The following ADSS1 variants were observed in gnomAD, a reference collection of about 807,000 sequenced individuals.
ADSS1 encodes the protein adenylosuccinate synthetase isozyme 1.
Under a neutral mutation model 59.1 loss-of-function variants are expected in ADSS1, and 57 were observed. That is an observed-to-expected ratio of 0.97 (90% CI 0.78 to 1.20). The LOEUF (loss-of-function observed/expected upper bound fraction) is 1.20, where lower values mean the gene tolerates loss of function less well. Ranked by LOEUF, ADSS1 falls within the 50% of genes most tolerant of loss-of-function variation. ADSS1 has a pLI of 0.00. For synonymous variants in ADSS1, 247 were observed against 249.4 expected (o/e 0.99, Z 0.09); for missense variants, 603 against 610.3 (o/e 0.99, Z 0.13).
intron 1 of ADSS1, chr14:104,729,808 C>T (rs959789165): frequency 4.4e-5 from 17 of 384,774 alleles, no homozygotes; most frequent in Non-Finnish European, 1.7e-5. Context: ...AGGAGCGTGG[C>T]GTCGGCGTCG....
intron 10 of ADSS1, among the ~76,000 whole-genome samples, chr14:104,744,192 G>T (rs750577005): frequency 6.6e-6 from 1 of 152,112 alleles, no homozygotes; most frequent in African/African-American, 2.4e-5. Flanking sequence ...GAAAGTGCAC[G>T]TGTGGGGACG....
Position 104,739,621 on chromosome 14 carries a change from G to T in ADSS1, c.410-129G>T, listed in dbSNP as rs757805981. 1.5e-5 allele frequency: 17 copies of T among 1,099,350 alleles called. No homozygotes were observed. In the Middle Eastern group the frequency reaches 1.5e-3, roughly 100 times the overall value. 68.1% of individuals were successfully genotyped at this position (1,099,350 alleles called of 1,614,324 possible). A position where few individuals can be genotyped will look rare whatever the true frequency, so the allele number is the denominator to read the frequency against. On this transcript the variant is annotated intron_variant, in intron 4 of 12. Coordinates refer to ENST00000330877, the MANE Select transcript of ADSS1 (RefSeq NM_152328.5). ...GACACTCATGGTCACACCCCAGTTT[G>T]TCCTCTTTGAAATCTCAACCACCCC...
Position 104,735,002 on chromosome 14 carries a change from G to A in ADSS1, c.193-18G>A. 1 of 1,610,132 alleles carries A rather than the reference G, an allele frequency of 6.2e-7. No homozygotes were observed. The highest frequency in any genetic ancestry group is 8.5e-7 in the Non-Finnish European group (1 of 1,177,030). On this transcript the variant is annotated intron_variant, in intron 1 of 12. Coordinates refer to ENST00000330877, the MANE Select transcript of ADSS1 (RefSeq NM_152328.5). Reference sequence around the variant, plus strand: ...TCAGTACCCAAGTGCCTTCAGCTCAGCCGGGTTTCTGTTCCAGGGGGGCAA... The same window carrying A: ...TCAGTACCCAAGTGCCTTCAGCTCAACCGGGTTTCTGTTCCAGGGGGGCAA...
At chr14:104,728,601 A>G (rs1221181948) in intron 1 of ADSS1, among the ~76,000 whole-genome samples, 2 of 152,184 alleles carry the variant, frequency 1.3e-5, no homozygotes, top group Non-Finnish European at 2.9e-5. Flanking sequence ...GTGTGTGCAC[A>G]CTGGGCGCCA....
chr14:104,725,594 C>G (rs527616784), intron 1 of ADSS1, among the ~76,000 whole-genome samples: 13 of 152,272 alleles, frequency 8.5e-5, no homozygotes, highest in East Asian at 1.9e-4. Flanking sequence ...GGACCTCCCC[C>G]CTTGCTCTCC....
chr14:104,739,447 T>C, intron 4 of ADSS1, 69 bp downstream of exon 4: 2 of 1,519,054 alleles, frequency 1.3e-6, no homozygotes, highest in Non-Finnish European at 8.9e-7. Context: ...GCCCTGCTCC[T>C]ACATGGCCAC....
Position 104,744,773 on chromosome 14 carries a change from C to T in ADSS1, c.1074-39C>T, listed in dbSNP as rs368546964. On this transcript the variant is annotated intron_variant, in intron 10 of 12. Coordinates refer to ENST00000330877, the MANE Select transcript of ADSS1 (RefSeq NM_152328.5). ...GCGGAAGAAACCCCAGCACTGCTGA[C>T]CACTTCTTGGGTTTGCCCGGCCCCT... is the stretch of plus-strand genomic sequence containing the variant. 5.0e-6 allele frequency: 8 copies of T among 1,598,546 alleles called. No homozygotes were observed. The African/African-American group carries it at 5.4e-5, about 11-fold the overall frequency.
chr14:104,729,896 G>A (rs868620021), intron 1 of ADSS1: 1 of 1,520,706 alleles, frequency 6.6e-7, no homozygotes, highest in Non-Finnish European at 8.9e-7. Context: ...CGTCGGCATG[G>A]TGGGGAGGAG....
At chr14:104,725,650 A>G (rs2140738446) in intron 1 of ADSS1, among the ~76,000 whole-genome samples, 1 of 152,282 alleles carries the variant, frequency 6.6e-6, no homozygotes, top group Non-Finnish European at 1.5e-5. Context: ...GAGATCCCCC[A>G]GGTCCTAGAG....
intron 10 of ADSS1, 25 bp from the exon 11 acceptor site, chr14:104,744,787 T>A: frequency 6.2e-7 from 1 of 1,612,568 alleles, no homozygotes; most frequent in African/African-American, 1.3e-5. Flanking sequence ...TTCTTGGGTT[T>A]GCCCGGCCCC....
chr14:104,741,925 A>G lies in ADSS1; in HGVS notation c.871A>G (p.Ile291Val), dbSNP rs758630677. 1 of 1,613,478 alleles carries G rather than the reference A, an allele frequency of 6.2e-7. No homozygotes were observed. Among genetic ancestry groups the G allele is most frequent in the African/African-American group, 1.3e-5 (1 of 75,044 alleles). The part of the protein sequence containing the change: ...CTGLGIPPQN[I>V]GDVYGVVKAY... ...GGGCCTGGGCATCCCCCCGCAGAAC[A>G]TAGGTGACGTGTATGGCGTGGTGAA... The change falls in exon 9 of 13, where the codon ATA (isoleucine) becomes GTA (valine). Residue 291 changes from isoleucine (I) to valine (V), a missense_variant. Coordinates refer to ENST00000330877, the MANE Select transcript of ADSS1 (RefSeq NM_152328.5).
chr14:104,740,485 C>A lies in ADSS1; in HGVS notation c.477-116C>A. On this transcript the variant is annotated intron_variant, in intron 5 of 12. Transcript: ENST00000330877. The surrounding 1 kb of genome is among the most constrained non-coding windows in gnomAD (Gnocchi z 4.8). ...CACACACTCACAGCTCAGCCAGACA[C>A]AGGCAGCAATGGTGGGCACTGGAGT... The A allele has an allele frequency of 1.2e-6, 1 of 863,870 alleles. No individual in the cohort carries two copies. Among genetic ancestry groups the A allele is most frequent in the Non-Finnish European group, 1.9e-6 (1 of 538,232 alleles). The allele number at this position is 863,870 out of a possible 1,614,324, so 53.5% of individuals were successfully genotyped here.
rs1211339845 is a variant in ADSS1, at chr14:104,730,223, G to T, written c.193-4797G>T. 6.7e-6 allele frequency: 10 copies of T among 1,492,766 alleles called. No individual in the cohort carries two copies. Among genetic ancestry groups the T allele is most frequent in the Non-Finnish European group, 9.0e-6 (10 of 1,111,890 alleles). 92.5% of individuals were successfully genotyped at this position (1,492,766 alleles called of 1,614,324 possible). ...ACCTGGAGGGGAGCGGGTGGGTGCG[G>T]TGGCGTACATCTGTAACTCCAGCAC... is the stretch of plus-strand genomic sequence containing the variant. On this transcript the variant is annotated intron_variant, in intron 1 of 12. Transcript: ENST00000330877.
At chr14:104,739,076 G>T (rs576767763) in intron 3 of ADSS1, among the ~76,000 whole-genome samples, 2 of 152,336 alleles carry the variant, frequency 1.3e-5, no homozygotes, top group Admixed American at 1.3e-4. Context: ...GCCTGGAGTG[G>T]GCGAAGCCTG....
intron 2 of ADSS1, 141 bp downstream of exon 2, chr14:104,735,263 C>T: frequency 1.4e-6 from 1 of 733,112 alleles, no homozygotes; most frequent in South Asian, 1.9e-5. Flanking sequence ...TCCACCTGCC[C>T]CACCAGGCAC....
Position 104,746,001 on chromosome 14 carries a change from G to A in ADSS1, c.1172-235G>A, listed in dbSNP as rs1448611679. On this transcript the variant is annotated intron_variant, in intron 11 of 12. Coordinates refer to ENST00000330877, the MANE Select transcript of ADSS1 (RefSeq NM_152328.5). ...TTCTAGCAGAGTGGGTAGCACATAT[G>A]TGTCATGTCCCTCTGGTCTGGAAGG... 8 of 452,016 alleles carry A rather than the reference G, an allele frequency of 1.8e-5. 1 individual carries two copies. Among genetic ancestry groups the A allele is most frequent in the Admixed American group, 1.1e-4 (3 of 27,478 alleles). 28.0% of individuals were successfully genotyped at this position (452,016 alleles called of 1,614,324 possible). A position where few individuals can be genotyped will look rare whatever the true frequency, so the allele number is the denominator to read the frequency against.
intron 4 of ADSS1, 37 bp downstream of exon 4, chr14:104,739,415 C>G (rs895901511): frequency 2.0e-5 from 32 of 1,583,866 alleles, no homozygotes; most frequent in Non-Finnish European, 2.7e-5. Context: ...ACAGCCCCTC[C>G]TGCCCCCACC....
chr14:104,746,914 C>A (rs764447040), intron 12 of ADSS1, 37 bp from the exon 13 acceptor site: 2 of 1,609,976 alleles, frequency 1.2e-6, no homozygotes. Context: ...CTTTCTGCCT[C>A]CAGTGTGTAT....
intron 2 of ADSS1, 47 bp downstream of exon 2, chr14:104,735,169 A>G (rs765551699): frequency 3.3e-6 from 5 of 1,531,344 alleles, no homozygotes; most frequent in Non-Finnish European, 4.4e-6. Flanking sequence ...AGGGGGTGTC[A>G]GCCAGCCCAG....
Sources: gnomAD v4.1 joint callset for allele counts (sites outside exome capture counted in the v4.1 genomes callset) on GRCh38, gnomAD v4.1.1 for gene constraint, Gnocchi (gnomAD v3.1) non-coding constraint, MANE v1.5 for transcripts, NCBI Gene and HGNC (gene_info 2026-07-23, HGNC 2026-07-21) for gene names.